Variants in XRCC4 observed in about 807,000 individuals in gnomAD.
The protein encoded by XRCC4 is DNA repair protein XRCC4.
A neutral mutation model predicts 39.1 loss-of-function variants in XRCC4; 28 were observed. That is an observed-to-expected ratio of 0.72 (90% CI 0.53 to 0.98). XRCC4 has a LOEUF of 0.98. XRCC4 is among the 50% of genes least tolerant of loss of function. XRCC4 has a pLI of 0.00. For missense variants in XRCC4, 350 were observed against 376.4 expected (o/e 0.93, Z 0.58); for synonymous variants, 123 against 126.4 (o/e 0.97, Z 0.18).
At chr5:83,358,752 G>A (rs1364260209), downstream of XRCC4, among the ~76,000 whole-genome samples, 4 of 152,052 alleles carry the variant, frequency 2.6e-5, no homozygotes, top group African/African-American at 4.8e-5. Flanking sequence ...TAATATAGGT[G>A]GATTAAACAA....
At chr5:83,344,147 C>CACAA (rs1424981311) in intron 7 of XRCC4, among the ~76,000 whole-genome samples, 1 of 151,826 alleles carries the variant, frequency 6.6e-6, no homozygotes, top group African/African-American at 2.4e-5. Flanking sequence ...CACACACACA[C>CACAA]ACACACACAC....
At chr5:83,212,087 TACAC>T (rs1333375458) in intron 6 of XRCC4, among the ~76,000 whole-genome samples, 3 of 152,098 alleles carry the variant, frequency 2.0e-5, no homozygotes, top group Admixed American at 1.3e-4. Context: ...TATACACACA[TACAC>T]ACATATGTAT....
At chr5:83,302,664 A>G (rs952591579) in intron 7 of XRCC4, among the ~76,000 whole-genome samples, 15 of 152,280 alleles carry the variant, frequency 9.9e-5, no homozygotes, top group Non-Finnish European at 2.2e-4. Context: ...CCTCAATTTT[A>G]TGTTTAATAG....
intron 3 of XRCC4, among the ~76,000 whole-genome samples, chr5:83,111,712 A>G (rs1326296516): frequency 1.3e-5 from 2 of 152,126 alleles, no homozygotes; most frequent in African/African-American, 2.4e-5. Context: ...AATAACTTGA[A>G]GCCTAAGCTT....
downstream of XRCC4, among the ~76,000 whole-genome samples, chr5:83,354,435 C>A (rs950375517): frequency 1.3e-5 from 2 of 152,000 alleles, no homozygotes; most frequent in Non-Finnish European, 2.9e-5. Flanking sequence ...TCCAAAATTA[C>A]GTAGTTTTCT....
intron 7 of XRCC4, among the ~76,000 whole-genome samples, chr5:83,306,590 A>G (rs1414267039): frequency 6.6e-6 from 1 of 152,250 alleles, no homozygotes; most frequent in Admixed American, 6.5e-5. Context: ...AAACCACAGA[A>G]ATGCAGTAAT....
intron 7 of XRCC4, among the ~76,000 whole-genome samples, chr5:83,331,578 G>T (rs1048774352): frequency 1.3e-5 from 2 of 152,058 alleles, no homozygotes; most frequent in Non-Finnish European, 2.9e-5. Flanking sequence ...TGGAGTCAGT[G>T]CAAACATTTA....
intron 6 of XRCC4, among the ~76,000 whole-genome samples, chr5:83,210,566 C>A (rs1751603458): frequency 6.6e-6 from 1 of 152,078 alleles, no homozygotes; most frequent in Middle Eastern, 3.2e-3. Flanking sequence ...AATAATTAAC[C>A]ACATTAGCAC....
At chr5:83,260,105 AT>A (rs1753698154) in intron 7 of XRCC4, among the ~76,000 whole-genome samples, 1 of 152,042 alleles carries the variant, frequency 6.6e-6, no homozygotes, top group South Asian at 2.1e-4. Context: ...GCAAAAACCC[AT>A]TGTGCACTAA....
intron 6 of XRCC4, among the ~76,000 whole-genome samples, chr5:83,241,548 A>G (rs1008398366): frequency 6.6e-6 from 1 of 152,160 alleles, no homozygotes; most frequent in Non-Finnish European, 1.5e-5. Context: ...ACTCTAGATA[A>G]GAAGGTTCAA....
intron 6 of XRCC4, among the ~76,000 whole-genome samples, chr5:83,207,567 G>T (rs1043445987): frequency 6.6e-6 from 1 of 151,934 alleles, no homozygotes; most frequent in African/African-American, 2.4e-5. Flanking sequence ...GCTGCAAAAA[G>T]AAATGTTTAG....
intron 4 of XRCC4, among the ~76,000 whole-genome samples, chr5:83,202,886 TA>T (rs1380132056): frequency 6.6e-6 from 1 of 152,210 alleles, no homozygotes. Context: ...TGGGATGAAT[TA>T]AAAACAATAG....
At chr5:83,268,693 T>C (rs1268457182) in intron 7 of XRCC4, among the ~76,000 whole-genome samples, 1 of 152,118 alleles carries the variant, frequency 6.6e-6, no homozygotes, top group Admixed American at 6.6e-5. Context: ...TGGGGTTATA[T>C]GACATTCTCC....
Position 83,126,597 on chromosome 5 carries a change from G to C in XRCC4, c.315+15394G>C, listed in dbSNP as rs1366338819. Among the ~76,000 whole-genome samples, 4 of 152,252 alleles carry C rather than the reference G, an allele frequency of 2.6e-5. No homozygotes were observed. In the East Asian group the frequency reaches 7.8e-4, roughly 30 times the overall value. On this transcript the variant is annotated intron_variant, in intron 3 of 7. Transcript: ENST00000396027. Reference sequence around the variant, plus strand: ...AAGTCAATGCCCAGGGGAACTGTGGGGTATAAGCTGCTACTGAGAGCCCCC... The same window carrying C: ...AAGTCAATGCCCAGGGGAACTGTGGCGTATAAGCTGCTACTGAGAGCCCCC...
At chr5:83,128,126 C>T (rs1747367487) in intron 3 of XRCC4, among the ~76,000 whole-genome samples, 1 of 152,092 alleles carries the variant, frequency 6.6e-6, no homozygotes, top group Non-Finnish European at 1.5e-5. Flanking sequence ...GTCCACCCTC[C>T]TGCCACCCCA....
intron 7 of XRCC4, among the ~76,000 whole-genome samples, chr5:83,342,450 C>T (rs1756790295): frequency 6.6e-6 from 1 of 152,108 alleles, no homozygotes; most frequent in Non-Finnish European, 1.5e-5. Context: ...AGTGTATTCA[C>T]TCTTTATTAT....
chr5:83,327,839 A>T (rs898204047), intron 7 of XRCC4, among the ~76,000 whole-genome samples: 8 of 152,074 alleles, frequency 5.3e-5, no homozygotes, highest in Non-Finnish European at 1.0e-4. Context: ...AAACACAAGA[A>T]ATAGAAACAC....
chr5:83,088,763 A>G (rs1745294093), intron 1 of XRCC4, among the ~76,000 whole-genome samples: 1 of 152,242 alleles, frequency 6.6e-6, no homozygotes. Context: ...TTGTTGATGC[A>G]TATAACATTT....
chr5:83,224,539 G>A (rs1323238477), intron 6 of XRCC4, among the ~76,000 whole-genome samples: 1 of 152,112 alleles, frequency 6.6e-6, no homozygotes, highest in African/African-American at 2.4e-5. Flanking sequence ...AGATATAATT[G>A]ATTTATCCAG....
Sources: allele counts gnomAD v4.1 joint callset (sites outside exome capture counted in the v4.1 genomes callset), GRCh38; gene constraint gnomAD v4.1.1; transcripts MANE v1.5; gene names NCBI Gene and HGNC (gene_info 2026-07-23, HGNC 2026-07-21).